TTN: variants seen among roughly 807,000 people sequenced by gnomAD.
The protein encoded by TTN is titin.
A neutral mutation model predicts 3,223.0 loss-of-function variants in TTN; 1,525 were observed. The observed-to-expected ratio is 0.47, with a 90% CI of 0.45 to 0.49. The LOEUF is 0.49. TTN is among the 20% of genes least tolerant of loss of function. The pLI is 0.00. For synonymous variants in TTN, 14,094 were observed against 15,161.0 expected, an observed-to-expected ratio of 0.93 and a Z score of 5.17; for missense variants, 40,786 against 43,424.0, an observed-to-expected ratio of 0.94 and a Z score of 5.40.
intron 240 of TTN, among the ~76,000 whole-genome samples, chr2:178,625,897 T>G (rs2058968021): frequency 6.6e-6 from 1 of 152,028 alleles, no homozygotes; most frequent in African/African-American, 2.4e-5. Flanking sequence ...CATAGTTACC[T>G]TTATATAATT....
chr2:178,768,955 A>G lies in TTN; in HGVS notation c.8903-22T>C, dbSNP rs373835599. ...ATTGCTGCAAAGGAGAAAAGAAAAA[A>G]CACCCAAGGAGACTTTACGTAAATA... On this transcript the variant is annotated intron_variant, in intron 37 of 362. Coordinates refer to ENST00000589042, the MANE Select transcript of TTN (RefSeq NM_001267550.2). The G allele has an allele frequency of 1.2e-5, 19 of 1,612,322 alleles. No homozygotes were observed. The African/African-American group carries it at 2.3e-4, about 19-fold the overall frequency.
rs727504923 is a variant in TTN, at chr2:178,548,444, C to T, written c.93182G>A (p.Arg31061His). The change falls in exon 339 of 363, where the codon CGT becomes CAT. Residue 31061 changes from arginine to histidine, a missense_variant. Transcript: ENST00000589042. This position sits in a 1 kb window ranked among gnomAD's most constrained non-coding sequence, Gnocchi z 4.3. ...TTTTTCACTGATAACCTGCCAACTA[C>T]GGCGACTTGCCTCTCGTTTCTCTAC... ...YVVEKREASR[R>H]SWQVISEKCT... The T allele has an allele frequency of 2.7e-5, 43 of 1,613,744 alleles. No individual in the cohort carries two copies. Among genetic ancestry groups the T allele is most frequent in the African/African-American group, 2.3e-4 (17 of 74,904 alleles).
At chr2:178,794,265 G>A (rs2093655903) in intron 8 of TTN, 134 bp downstream of exon 8, 1 of 1,328,756 alleles carries the variant, frequency 7.5e-7, no homozygotes, top group South Asian at 1.2e-5. Context: ...TAAAAGTCTG[G>A]GCCCTGCTGG....
rs66507451 is a variant in TTN at position 178,769,663 on chromosome 2, A to G, written c.8902+16T>C. ...TATATATATGTGTATATATATATAT[A>G]TATTTTTTAACTTACGGGTGACTGT... On this transcript the variant is annotated intron_variant, in intron 37 of 362. Coordinates refer to ENST00000589042, the MANE Select transcript of TTN (RefSeq NM_001267550.2). The G allele has an allele frequency of 8.6e-7, 1 of 1,164,196 alleles. No individual in the cohort carries two copies. Among genetic ancestry groups the G allele is most frequent in the African/African-American group, 2.2e-5 (1 of 45,266 alleles). 72.1% of individuals were successfully genotyped at this position (1,164,196 alleles called of 1,614,324 possible). A position where few individuals can be genotyped will look rare whatever the true frequency, so the allele number is the denominator to read the frequency against.
Position 178,724,512 on chromosome 2 carries a change from CT to C in TTN, c.20862del (p.Gly6955AspfsTer3). On this transcript the variant is annotated frameshift_variant, in exon 72 of 363. Coordinates refer to ENST00000589042, the MANE Select transcript of TTN (RefSeq NM_001267550.2). LOFTEE classifies it high-confidence loss of function. ...TCTCCTACAGTCACCGTCATCGGTCCTGCCTTCTCAACAATGACTGCGGGCT... is the reference window on the plus strand; with the variant it reads ...TCTCCTACAGTCACCGTCATCGGTCCGCCTTCTCAACAATGACTGCGGGCT... ...VLEPAVIVEK[A>X]GPMTVTVGET... The C allele has an allele frequency of 6.2e-7, 1 of 1,601,802 alleles. No individual in the cohort carries two copies. Among genetic ancestry groups the C allele is most frequent in the Non-Finnish European group, 8.5e-7 (1 of 1,171,402 alleles).
intron 294 of TTN, 37 bp from the exon 295 acceptor site, chr2:178,595,846 T>G: frequency 6.5e-7 from 1 of 1,540,514 alleles, no homozygotes; most frequent in South Asian, 1.2e-5. Context: ...GCTGTTTGCC[T>G]TCAATGAAAG....
At chr2:178,598,723 A>G in intron 291 of TTN, 25 bp downstream of exon 291, 1 of 1,603,392 alleles carries the variant, frequency 6.2e-7, no homozygotes, top group Non-Finnish European at 8.5e-7. Context: ...AAGATTTAAA[A>G]AAAAGGAATG....
intron 47 of TTN, chr2:178,747,313 G>C: frequency 6.2e-7 from 1 of 1,613,318 alleles, no homozygotes. Flanking sequence ...CTAAAGGTGT[G>C]GAATATCTTT....
chr2:178,670,199 A>G lies in TTN; in HGVS notation c.35386+19T>C. 1 of 1,417,806 alleles carries G rather than the reference A, an allele frequency of 7.1e-7. No homozygotes were observed. The allele number at this position is 1,417,806 out of a possible 1,614,324, so 87.8% of individuals were successfully genotyped here. ...AAAAAAGGATTTTATATTAATGATG[A>G]ATGAGAAAAGCCAGTTACCTTTAGT... On this transcript the variant is annotated intron_variant, in intron 157 of 362. Coordinates refer to ENST00000589042, the MANE Select transcript of TTN (RefSeq NM_001267550.2).
intron 24 of TTN, chr2:178,778,651 T>C: frequency 5.1e-6 from 3 of 593,666 alleles, no homozygotes; most frequent in South Asian, 2.0e-5. Flanking sequence ...ATATTAGCTA[T>C]AGCACTAGGA....
Position 178,580,322 on chromosome 2 carries a change from C to G in TTN, c.67057G>C (p.Asp22353His), listed in dbSNP as rs1382601708. 1 of 1,611,738 alleles carries G rather than the reference C, an allele frequency of 6.2e-7. No homozygotes were observed. Among genetic ancestry groups the G allele is most frequent in the East Asian group, 2.2e-5 (1 of 44,778 alleles). Residue 22353 changes from aspartate (D) to histidine (H), a missense_variant and splice_region_variant, in exon 317 of 363, where the codon GAT becomes CAT. By Grantham distance (81) the Asp-to-His change is moderately conservative. Coordinates refer to ENST00000589042, the MANE Select transcript of TTN (RefSeq NM_001267550.2). ...TGATTCTTTTTTGAAATAGACTTAC[C>G]AAGCACTTTCACAACAATGGTATAT... The part of the protein sequence containing the change: ...KEYTIVVKVL[D>H]TPGPPVNVTV...
In TTN at chr2:178,775,376, T is replaced by A. The variant is rs765031763; in HGVS notation, c.6488A>T (p.His2163Leu). The change falls in exon 28 of 363, where the codon CAC (histidine) becomes CTC (leucine). Residue 2163 changes from histidine to leucine, a missense_variant. Transcript: ENST00000589042. ...ATTACCTTGGACAAGTAAGAATGCG[T>A]GACTGGAGGTTTCTCCAGCTATGTT... ...AINIAGETSS[H>L]AFLLVQAKQL... is the part of the protein sequence containing the mutation. 4.3e-6 allele frequency: 7 copies of A among 1,614,124 alleles called. No individual in the cohort carries two copies. Among genetic ancestry groups the A allele is most frequent in the Non-Finnish European group, 5.9e-6 (7 of 1,180,014 alleles).
At chr2:178,745,748 C>T (rs746166300) in intron 47 of TTN, 1 of 1,612,788 alleles carries the variant, frequency 6.2e-7, no homozygotes, top group South Asian at 1.1e-5. Context: ...GACTAATTTT[C>T]CATCTTTGTA....
rs1165191845 is a variant in TTN, at chr2:178,715,787, G to C, written c.25640-13C>G. On this transcript the variant is annotated splice_polypyrimidine_tract_variant and intron_variant, in intron 88 of 362. Transcript: ENST00000589042. Reference sequence around the variant, plus strand: ...AACCTGGGTGGTTCTATGGAACCAAGAGGAAAAACACAGGGTAAGGGATGG... The same window carrying C: ...AACCTGGGTGGTTCTATGGAACCAACAGGAAAAACACAGGGTAAGGGATGG... 6.4e-7 allele frequency: 1 copy of C among 1,565,780 alleles called. No individual in the cohort carries two copies. The highest frequency in any genetic ancestry group is 1.4e-5 in the African/African-American group (1 of 73,650).
At chr2:178,770,353 GGTTAACT>G in intron 35 of TTN, 33 bp from the exon 36 acceptor site, 1 of 1,614,092 alleles carries the variant, frequency 6.2e-7, no homozygotes. Context: ...TCAGTGATAG[GGTTAACT>G]TAATGGTAAC....
In TTN at chr2:178,667,643, G is replaced by T; in HGVS notation, c.35624C>A (p.Ala11875Glu). ...TQPQKTKPKL[A>E]KVPEPPKKVV... ...GGATCATTGGTGTTATATACCTTTT[G>T]CTAGTTTGGGTTTTGTCTTTTGAGG... Residue 11875 changes from alanine to glutamate, a missense_variant, in exon 160 of 363, where the codon GCA becomes GAA. Coordinates refer to ENST00000589042, the MANE Select transcript of TTN (RefSeq NM_001267550.2). 6.3e-7 allele frequency: 1 copy of T among 1,595,998 alleles called. No individual in the cohort carries two copies. The highest frequency in any genetic ancestry group is 8.5e-7 in the Non-Finnish European group (1 of 1,178,448).
chr2:178,539,284 A>T, intron 352 of TTN, 33 bp from the exon 353 acceptor site: 1 of 1,605,486 alleles, frequency 6.2e-7, no homozygotes. Flanking sequence ...CACATGTATT[A>T]GAATACAGTC....
At chr2:178,750,124 G>T (rs902600429) in intron 47 of TTN, 1 of 1,613,128 alleles carries the variant, frequency 6.2e-7, no homozygotes. Flanking sequence ...TGTCTCCAGA[G>T]GGAGGAACTG....
Position 178,560,472 on chromosome 2 carries a change from G to A in TTN, c.85660C>T (p.Pro28554Ser). The change falls in exon 326 of 363, where the codon CCC (proline) becomes TCC (serine). Residue 28554 changes from proline to serine, a missense_variant. Pro to Ser is a moderately conservative substitution (Grantham distance 74, BLOSUM62 -1). Coordinates refer to ENST00000589042, the MANE Select transcript of TTN (RefSeq NM_001267550.2). ...ACAGAAGTAATTTCCAAAGACGTGG[G>A]TGGACTTGGAACTGTAAATGGATCT... ...ALDPFTVPSP[P>S]TSLEITSVTK... The A allele has an allele frequency of 1.2e-6, 2 of 1,613,332 alleles. No individual in the cohort carries two copies. The highest frequency in any genetic ancestry group is 1.1e-5 in the South Asian group (1 of 91,034).
Sources: allele counts gnomAD v4.1 joint callset (sites outside exome capture counted in the v4.1 genomes callset), GRCh38; gene constraint gnomAD v4.1.1; non-coding constraint Gnocchi (gnomAD v3.1); transcripts MANE v1.5; gene names NCBI Gene and HGNC (gene_info 2026-07-23, HGNC 2026-07-21).